XKR4: variants seen among roughly 807,000 people sequenced by gnomAD.
The protein encoded by XKR4 is XK-related protein 4.
Under a neutral mutation model 53.9 loss-of-function variants are expected in XKR4, and 12 were observed. The ratio of observed to expected loss-of-function variants is 0.22; its 90% confidence interval spans 0.14 to 0.36. The LOEUF is 0.36. Ranked by LOEUF, XKR4 falls within the 10% of genes least tolerant of loss-of-function variation. The probability of loss-of-function intolerance (pLI) is 1.00; values close to 1 mark genes in which losing one functional copy is unlikely to be tolerated. For synonymous variants in XKR4, 354 were observed against 362.4 expected (o/e 0.98, Z 0.26); for missense variants, 799 against 859.5 (o/e 0.93, Z 0.88).
intron 1 of XKR4, among the ~76,000 whole-genome samples, chr8:55,356,701 A>G: frequency 6.6e-6 from 1 of 152,206 alleles, no homozygotes; most frequent in South Asian, 2.1e-4. Flanking sequence ...ATTTGGTGAC[A>G]GGACGTAAGT....
At chr8:55,179,434 G>T (rs1817278995) in intron 1 of XKR4, among the ~76,000 whole-genome samples, 1 of 152,118 alleles carries the variant, frequency 6.6e-6, no homozygotes, top group Admixed American at 6.5e-5. Context: ...CCCAAAACAG[G>T]CCATCTCTCA....
At chr8:55,377,532 T>C (rs968611094) in intron 2 of XKR4, among the ~76,000 whole-genome samples, 48 of 152,054 alleles carry the variant, frequency 3.2e-4, no homozygotes, top group African/African-American at 1.1e-3. Context: ...GAGGAATACC[T>C]CACTGCTTTT....
chr8:55,293,950 T>C (rs1253245492), intron 1 of XKR4, among the ~76,000 whole-genome samples: 2 of 152,242 alleles, frequency 1.3e-5, no homozygotes, highest in African/African-American at 4.8e-5. Context: ...AAGTAACTTT[T>C]CAAATAGGTC....
rs58241677 is a variant in XKR4 at position 55,317,555 on chromosome 8, C to G, written c.807-40123C>G. Among the ~76,000 whole-genome samples, 726 of 152,262 alleles carry G rather than the reference C, an allele frequency of 4.8e-3. 6 individuals are homozygous for G. The highest frequency in any genetic ancestry group is 0.016 in the African/African-American group (660 of 41,538). On this transcript the variant is annotated intron_variant, in intron 1 of 2. Transcript: ENST00000327381. Reference sequence around the variant, plus strand: ...TTCATGCTAAATATTAACATTGGCTCTGATTTATTTATGGATAAGAGACAG... The same window carrying G: ...TTCATGCTAAATATTAACATTGGCTGTGATTTATTTATGGATAAGAGACAG...
chr8:55,376,316 C>A (rs1804151817), intron 2 of XKR4, among the ~76,000 whole-genome samples: 1 of 152,176 alleles, frequency 6.6e-6, no homozygotes. Context: ...CTGTCTTCCA[C>A]ATGGTTGAAC....
intron 1 of XKR4, among the ~76,000 whole-genome samples, chr8:55,260,706 G>T (rs1238001067): frequency 6.6e-6 from 1 of 152,150 alleles, no homozygotes; most frequent in African/African-American, 2.4e-5. Context: ...GTTGGACCAG[G>T]TGTCACATTT....
chr8:55,447,570 T>C lies in XKR4; in HGVS notation c.1007-75711T>C, dbSNP rs149629787. On this transcript the variant is annotated intron_variant, in intron 2 of 2. Transcript: ENST00000327381. ...GCTATGTTAGTGTCACTATCTACTATTATCATTATTCTTTCATTAAGAGTT... is the reference window on the plus strand; with the variant it reads ...GCTATGTTAGTGTCACTATCTACTACTATCATTATTCTTTCATTAAGAGTT... Among the ~76,000 whole-genome samples, 163 of 152,370 alleles carry C rather than the reference T, an allele frequency of 1.1e-3. 1 individual carries two copies. The highest frequency in any genetic ancestry group is 3.6e-3 in the African/African-American group (148 of 41,588).
At position 55,532,925 on chromosome 8, in the gene XKR4, A is replaced by C. The variant is rs1806975951; in HGVS notation, c.*8698A>C. ...GCTTAATTTATATTAAAACAGATTTAATCAAATTATTACTTAAGTACTACA... is the reference window on the plus strand; with the variant it reads ...GCTTAATTTATATTAAAACAGATTTCATCAAATTATTACTTAAGTACTACA... On this transcript the variant is annotated 3_prime_UTR_variant, in exon 3 of 3. Coordinates refer to ENST00000327381, the MANE Select transcript of XKR4 (RefSeq NM_052898.2). 1 of 152,076 alleles carries C rather than the reference A, an allele frequency of 6.6e-6. No homozygotes were observed. The highest frequency in any genetic ancestry group is 2.4e-5 in the African/African-American group (1 of 41,400). The allele number at this position is 152,076 out of a possible 1,614,324, so 9.4% of individuals were successfully genotyped here. A position where few individuals can be genotyped will look rare whatever the true frequency, so the allele number is the denominator to read the frequency against.
intron 1 of XKR4, among the ~76,000 whole-genome samples, chr8:55,118,264 G>T (rs964255454): frequency 6.6e-6 from 1 of 152,172 alleles, no homozygotes; most frequent in African/African-American, 2.4e-5. Context: ...TAGTACTAAA[G>T]AATGCTAAGT....
chr8:55,390,466 T>A (rs1042642655), intron 2 of XKR4, among the ~76,000 whole-genome samples: 1 of 152,206 alleles, frequency 6.6e-6, no homozygotes, highest in African/African-American at 2.4e-5. Flanking sequence ...ATAGTTTACA[T>A]CAATTGATTG....
At chr8:55,253,672 T>G (rs1818392266) in intron 1 of XKR4, among the ~76,000 whole-genome samples, 1 of 152,112 alleles carries the variant, frequency 6.6e-6, no homozygotes, top group Non-Finnish European at 1.5e-5. Context: ...TTATTGTTTT[T>G]GTGACAGTGT....
intron 2 of XKR4, among the ~76,000 whole-genome samples, chr8:55,435,120 G>C (rs60284064): frequency 0.012 from 1,776 of 152,308 alleles, 31 homozygotes; most frequent in African/African-American, 0.033. Context: ...TTGTCTACCA[G>C]ATTGTGCATG....
intron 2 of XKR4, among the ~76,000 whole-genome samples, chr8:55,516,543 T>A (rs1246744217): frequency 6.6e-6 from 1 of 152,194 alleles, no homozygotes; most frequent in Non-Finnish European, 1.5e-5. Context: ...TTTGCAATGA[T>A]GTTGGGAAGA....
At chr8:55,338,039 G>T (rs1192012879) in intron 1 of XKR4, among the ~76,000 whole-genome samples, 1 of 152,082 alleles carries the variant, frequency 6.6e-6, no homozygotes, top group Non-Finnish European at 1.5e-5. Context: ...AGGCCAATTT[G>T]GCCTGCCCTG....
intron 1 of XKR4, among the ~76,000 whole-genome samples, chr8:55,325,923 G>GAA (rs1226493199): frequency 1.3e-5 from 2 of 152,194 alleles, no homozygotes; most frequent in Non-Finnish European, 2.9e-5. Flanking sequence ...AGACAGAAAG[G>GAA]AAACTGTTAT....
intron 1 of XKR4, among the ~76,000 whole-genome samples, chr8:55,342,516 A>G (rs1563328524): frequency 6.6e-6 from 1 of 151,916 alleles, no homozygotes; most frequent in Non-Finnish European, 1.5e-5. Flanking sequence ...ACCATGCCCT[A>G]TGTGATCAGA....
At chr8:55,248,606 C>T (rs772265880) in intron 1 of XKR4, among the ~76,000 whole-genome samples, 1 of 152,218 alleles carries the variant, frequency 6.6e-6, no homozygotes, top group Non-Finnish European at 1.5e-5. Context: ...TATATTCACT[C>T]TGCTTCATTT....
intron 2 of XKR4, among the ~76,000 whole-genome samples, chr8:55,522,865 A>G (rs897518080): frequency 6.6e-6 from 1 of 152,196 alleles, no homozygotes; most frequent in Non-Finnish European, 1.5e-5. Context: ...CATTCCTATT[A>G]GCTTCATGAC....
intron 2 of XKR4, among the ~76,000 whole-genome samples, chr8:55,417,031 C>T (rs1481509510): frequency 2.0e-5 from 3 of 152,214 alleles, no homozygotes; most frequent in Non-Finnish European, 2.9e-5. Flanking sequence ...AGACCACACC[C>T]AGACCAATTA....
Sources: allele counts gnomAD v4.1 joint callset (sites outside exome capture counted in the v4.1 genomes callset), GRCh38; gene constraint gnomAD v4.1.1; transcripts MANE v1.5; gene names NCBI Gene and HGNC (gene_info 2026-07-23, HGNC 2026-07-21).